The following LRP2 variants were observed in gnomAD, a reference collection of about 807,000 sequenced individuals.
LRP2 encodes low-density lipoprotein receptor-related protein 2.
A neutral mutation model predicts 531.0 loss-of-function variants in LRP2; 172 were observed. The observed-to-expected ratio is 0.32, with a 90% CI of 0.29 to 0.37. LRP2 has a LOEUF of 0.37. LRP2 is among the 10% of genes least tolerant of loss of function. The pLI is 1.00. For synonymous variants in LRP2, 1,992 were observed against 2,027.6 expected (o/e 0.98, Z 0.47); for missense variants, 5,167 against 5,868.3 (o/e 0.88, Z 3.90).
intron 16 of LRP2, among the ~76,000 whole-genome samples, chr2:169,270,428 A>T (rs1683374789): frequency 6.6e-6 from 1 of 152,130 alleles, no homozygotes; most frequent in Non-Finnish European, 1.5e-5. Context: ...ATGCAGCCAT[A>T]AAAAAGGATG....
Position 169,241,368 on chromosome 2 carries a change from A to T in LRP2, c.3668-3T>A, listed in dbSNP as rs754632512. The T allele has an allele frequency of 1.2e-5, 20 of 1,614,016 alleles. No homozygotes were observed. The African/African-American group carries it at 1.9e-4, about 15-fold the overall frequency. On this transcript the variant is annotated splice_polypyrimidine_tract_variant and splice_region_variant and intron_variant, in intron 24 of 78. Coordinates refer to ENST00000649046, the MANE Select transcript of LRP2 (RefSeq NM_004525.3). ...GCACATACCAGGAGGCCTGGTTGCT[A>T]GAAGGAAAACATGGGGTAAATCGGC...
intron 67 of LRP2, among the ~76,000 whole-genome samples, chr2:169,151,744 T>G (rs1686142875): frequency 6.6e-6 from 1 of 152,174 alleles, no homozygotes; most frequent in African/African-American, 2.4e-5. Context: ...AAGACAGATC[T>G]GCCATTCCCT....
chr2:169,316,306 G>T (rs114227289), intron 3 of LRP2, among the ~76,000 whole-genome samples: 1 of 152,160 alleles, frequency 6.6e-6, no homozygotes, highest in African/African-American at 2.4e-5. Flanking sequence ...AGTTTCTAGC[G>T]TGGGTGCCTA....
rs375545998 is a variant in LRP2, at chr2:169,241,382, G to A, written c.3668-17C>T. On this transcript the variant is annotated splice_polypyrimidine_tract_variant and intron_variant, in intron 24 of 78. Coordinates refer to ENST00000649046, the MANE Select transcript of LRP2 (RefSeq NM_004525.3). ...GCCTGGTTGCTAGAAGGAAAACATG[G>A]GGTAAATCGGCTTGTGAATGTAATT... The A allele has an allele frequency of 1.6e-4, 254 of 1,613,574 alleles. No homozygotes were observed. Among genetic ancestry groups the A allele is most frequent in the Non-Finnish European group, 2.0e-4 (236 of 1,180,000 alleles).
Position 169,320,447 on chromosome 2 carries a change from T to C in LRP2, c.187+330A>G, listed in dbSNP as rs527503911. 2.3e-3 allele frequency among the ~76,000 whole-genome samples: 344 copies of C among 152,298 alleles called. 1 individual carries two copies. Among genetic ancestry groups the C allele is most frequent in the African/African-American group, 7.9e-3 (328 of 41,558 alleles). On this transcript the variant is annotated intron_variant, in intron 2 of 78. Transcript: ENST00000649046. ...TGTTTGTTCTTGTGGGTACACAAAA[T>C]TTACAGAGTGAATATTAGAAATAAT... is the stretch of plus-strand genomic sequence containing the variant.
chr2:169,269,098 A>G (rs1022968138), intron 16 of LRP2, among the ~76,000 whole-genome samples: 44 of 152,212 alleles, frequency 2.9e-4, no homozygotes, highest in Non-Finnish European at 5.9e-4. Context: ...TCAGCAAAAT[A>G]AAAGAGGACA....
intron 76 of LRP2, among the ~76,000 whole-genome samples, chr2:169,135,532 C>T (rs1045134974): frequency 2.6e-5 from 4 of 152,180 alleles, no homozygotes; most frequent in Non-Finnish European, 5.9e-5. Context: ...AGCAGTTTCT[C>T]AGGCTCTTGG....
intron 1 of LRP2, among the ~76,000 whole-genome samples, chr2:169,332,892 C>G (rs1685304010): frequency 6.6e-6 from 1 of 152,160 alleles, no homozygotes; most frequent in Admixed American, 6.5e-5. Flanking sequence ...AAACACTAAA[C>G]TTTATTCACA....
In LRP2 at chr2:169,346,893, C is replaced by T. The variant is rs560855688; in HGVS notation, c.79+15428G>A. Reference sequence around the variant, plus strand: ...GTAACAACTCAGTTTCAATTGCTAACTAGAGGAAGGACAGCCATACTAGAA... The same window carrying T: ...GTAACAACTCAGTTTCAATTGCTAATTAGAGGAAGGACAGCCATACTAGAA... On this transcript the variant is annotated intron_variant, in intron 1 of 78. Transcript: ENST00000649046. Among the ~76,000 whole-genome samples the T allele has an allele frequency of 3.9e-5, 6 of 152,284 alleles. No homozygotes were observed. In the South Asian group the frequency reaches 1.0e-3, roughly 26 times the overall value.
chr2:169,197,814 G>T (rs1015532824), intron 45 of LRP2, among the ~76,000 whole-genome samples: 1 of 152,174 alleles, frequency 6.6e-6, no homozygotes, highest in African/African-American at 2.4e-5. Flanking sequence ...TTGTGCTGCT[G>T]TTATTACAAC....
intron 17 of LRP2, 74 bp from the exon 18 acceptor site, chr2:169,257,323 A>T (rs1445320973): frequency 6.7e-7 from 1 of 1,488,148 alleles, no homozygotes; most frequent in Non-Finnish European, 9.4e-7. Context: ...TTTAGAACAA[A>T]CAGAGATTCT....
At position 169,231,827 on chromosome 2, in the gene LRP2, G is replaced by A. The variant is rs2105369111; in HGVS notation, c.5114C>T (p.Ala1705Val). Residue 1705 changes from alanine (A) to valine (V), a missense_variant, in exon 31 of 79, where the codon GCC becomes GTC. Physicochemically the swap from Ala to Val is moderately conservative, Grantham distance 64 (BLOSUM62 0). Transcript: ENST00000649046. ...SKQPNSVNPC[A>V]FSRCSHLCLL... is the part of the protein sequence containing the mutation. ...GCAGAGATGGCTGCAGCGGGAAAAG[G>A]CACATGGATTCACGGCTGCATGAGA... 1 of 1,614,062 alleles carries A rather than the reference G, an allele frequency of 6.2e-7. No individual in the cohort carries two copies. The highest frequency in any genetic ancestry group is 8.5e-7 in the Non-Finnish European group (1 of 1,179,972).
At chr2:169,209,048 T>A (rs182490251) in intron 38 of LRP2, among the ~76,000 whole-genome samples, 1 of 152,308 alleles carries the variant, frequency 6.6e-6, no homozygotes, top group Admixed American at 6.5e-5. Flanking sequence ...ATTTGGCAAC[T>A]AAAATTGCTC....
Position 169,162,456 on chromosome 2 carries a change from A to G in LRP2, c.11887+16T>C. 6.2e-7 allele frequency: 1 copy of G among 1,613,924 alleles called. No individual in the cohort carries two copies. The highest frequency in any genetic ancestry group is 1.3e-5 in the African/African-American group (1 of 75,018). On this transcript the variant is annotated intron_variant, in intron 63 of 78. Transcript: ENST00000649046. ...TGAGTTACTACAATGAACTATAAAA[A>G]CAAGTGTTTACTTACTGCAACCCAG... is the stretch of plus-strand genomic sequence containing the variant.
In LRP2 at chr2:169,310,502, C is replaced by A. The variant is rs551836371; in HGVS notation, c.311-3105G>T. Among the ~76,000 whole-genome samples, 17 of 152,152 alleles carry A rather than the reference C, an allele frequency of 1.1e-4. No homozygotes were observed. In the South Asian group the frequency reaches 3.3e-3, roughly 30 times the overall value. On this transcript the variant is annotated intron_variant, in intron 3 of 78. Coordinates refer to ENST00000649046, the MANE Select transcript of LRP2 (RefSeq NM_004525.3). ...GGTTCTGTTTATATGATGGATTACG[C>A]TTATTGATTTGCGTATGTTGAACCA...
At chr2:169,140,860 C>T (rs964381789) in intron 71 of LRP2, among the ~76,000 whole-genome samples, 7 of 152,198 alleles carry the variant, frequency 4.6e-5, no homozygotes, top group African/African-American at 1.7e-4. Context: ...TATTCACATT[C>T]TCATTTGAAG....
intron 48 of LRP2, 108 bp from the exon 49 acceptor site, chr2:169,188,373 C>T: frequency 9.5e-7 from 1 of 1,052,512 alleles, no homozygotes; most frequent in Admixed American, 1.9e-5. Flanking sequence ...GCCAGGTCAA[C>T]CATTTCGACA....
chr2:169,201,553 T>G, intron 44 of LRP2, 75 bp downstream of exon 44: 1 of 1,589,866 alleles, frequency 6.3e-7, no homozygotes, highest in Non-Finnish European at 8.6e-7. Context: ...AGCCTTTTTT[T>G]TATATAATAA....
chr2:169,325,251 C>T (rs566932763), intron 1 of LRP2, among the ~76,000 whole-genome samples: 16 of 152,210 alleles, frequency 1.1e-4, no homozygotes, highest in African/African-American at 2.6e-4. Context: ...CCTATTTCCC[C>T]GCTAGATCCT....
Sources: allele counts gnomAD v4.1 joint callset (sites outside exome capture counted in the v4.1 genomes callset), GRCh38; gene constraint gnomAD v4.1.1; transcripts MANE v1.5; gene names NCBI Gene and HGNC (gene_info 2026-07-23, HGNC 2026-07-21).